TTF2: variants seen among roughly 807,000 people sequenced by gnomAD.
TTF2 encodes the protein RNA polymerase II termination factor.
In TTF2, 108 loss-of-function variants were observed where a neutral mutation model predicts 142.4. The ratio of observed to expected loss-of-function variants is 0.76; its 90% CI spans 0.65 to 0.89. TTF2 has a LOEUF of 0.89. TTF2 is among the 40% of genes least tolerant of loss of function. The pLI is 0.00. For synonymous variants in TTF2, 483 were observed against 506.2 expected (o/e 0.95, Z 0.61); for missense variants, 1,327 against 1,379.8 (o/e 0.96, Z 0.61).
chr1:117,079,565 C>T lies in TTF2; in HGVS notation c.1702-3C>T, dbSNP rs765130781. On this transcript the variant is annotated splice_polypyrimidine_tract_variant and splice_region_variant and intron_variant, in intron 8 of 22. Transcript: ENST00000369466. The surrounding 1 kb of genome is among the most constrained non-coding windows in gnomAD (Gnocchi z 4.2). ...CTTAGCATTTGGTTATTACCTTTGT[C>T]AGGTCCCTTTGCTACTACACCAGAA... 26 of 1,614,034 alleles carry T rather than the reference C, an allele frequency of 1.6e-5. No individual in the cohort carries two copies. The South Asian group carries it at 2.5e-4, about 16-fold the overall frequency.
In TTF2 at chr1:117,076,324, G is replaced by T; in HGVS notation, c.1390+30G>T. ...AGTGGCTTATGCCTCAGAACTCCGGGTTTGCATCGACTTTACAAGAGACAT... is the reference window on the plus strand; with the variant it reads ...AGTGGCTTATGCCTCAGAACTCCGGTTTTGCATCGACTTTACAAGAGACAT... On this transcript the variant is annotated intron_variant, in intron 6 of 22. Transcript: ENST00000369466. This position sits in a 1 kb window ranked among gnomAD's most constrained non-coding sequence, Gnocchi z 4.6. 1 of 1,561,664 alleles carries T rather than the reference G, an allele frequency of 6.4e-7. No individual in the cohort carries two copies. Among genetic ancestry groups the T allele is most frequent in the East Asian group, 2.2e-5 (1 of 44,526 alleles).
intron 3 of TTF2, among the ~76,000 whole-genome samples, chr1:117,067,524 CAA>C (rs1161287519): frequency 5.1e-4 from 21 of 40,960 alleles, no homozygotes; most frequent in East Asian, 2.9e-3. Flanking sequence ...GACTCAGTCT[CAA>C]AAAAAAAAAA....
Position 117,088,894 on chromosome 1 carries a change from G to A in TTF2, c.2254G>A (p.Ala752Thr). ...GAATCCCCGAGTGCAGACTTCCATA[G>A]CTGTGTGTAAGCTACAAGCCTGTGC... ...VKNPRVQTSIAVCKLQACARW... is the reference protein window; with the variant it reads ...VKNPRVQTSITVCKLQACARW... The change falls in exon 13 of 23, where the codon GCT becomes ACT. Residue 752 changes from alanine (A) to threonine (T), a missense_variant. Ala to Thr is a moderately conservative substitution (Grantham distance 58, BLOSUM62 0). Transcript: ENST00000369466. 1 of 1,614,196 alleles carries A rather than the reference G, an allele frequency of 6.2e-7. No homozygotes were observed. The highest frequency in any genetic ancestry group is 8.5e-7 in the Non-Finnish European group (1 of 1,180,024).
intron 10 of TTF2, 114 bp downstream of exon 10, chr1:117,082,061 G>GTTTTCCAGTAGAGT: frequency 1.4e-6 from 2 of 1,466,720 alleles, no homozygotes; most frequent in East Asian, 2.3e-5. Flanking sequence ...TACTCTACTG[G>GTTTTCCAGTAGAGT]AAAACCAGTA....
rs1485684463 is a variant in TTF2 at position 117,097,535 on chromosome 1, G to A, written c.3269+102G>A. On this transcript the variant is annotated intron_variant, in intron 21 of 22. Transcript: ENST00000369466. This position sits in a 1 kb window ranked among gnomAD's most constrained non-coding sequence, Gnocchi z 4.1. ...ACTTCTTATGTTGATTGCTGTGTTCGTATTGCAGAGATGCCTTGCTTTGTA... is the reference window on the plus strand; with the variant it reads ...ACTTCTTATGTTGATTGCTGTGTTCATATTGCAGAGATGCCTTGCTTTGTA... The A allele has an allele frequency of 1.2e-5, 13 of 1,052,492 alleles. No individual in the cohort carries two copies. Among genetic ancestry groups the A allele is most frequent in the African/African-American group, 3.1e-5 (2 of 64,094 alleles). 65.2% of individuals were successfully genotyped at this position (1,052,492 alleles called of 1,614,324 possible).
chr1:117,060,793 C>A (rs1282789186), intron 2 of TTF2, among the ~76,000 whole-genome samples: 12 of 152,226 alleles, frequency 7.9e-5, no homozygotes, highest in Non-Finnish European at 1.3e-4. Flanking sequence ...GCCGATGGTT[C>A]CCCTACCTGT....
chr1:117,079,127 C>T lies in TTF2; in HGVS notation c.1702-441C>T, dbSNP rs985353970. Among the ~76,000 whole-genome samples, 2 of 152,122 alleles carry T rather than the reference C, an allele frequency of 1.3e-5. No homozygotes were observed. The highest frequency in any genetic ancestry group is 2.9e-5 in the Non-Finnish European group (2 of 68,024). On this transcript the variant is annotated intron_variant, in intron 8 of 22. Transcript: ENST00000369466. This position sits in a 1 kb window ranked among gnomAD's most constrained non-coding sequence, Gnocchi z 4.2. ...TGGTGGCATACGCATGTAATTCCAG[C>T]TAGTCGGGAGGCTAAGGCAGGAGAA...
At chr1:117,078,812 G>C (rs567664629) in intron 8 of TTF2, among the ~76,000 whole-genome samples, 1 of 152,190 alleles carries the variant, frequency 6.6e-6, no homozygotes, top group African/African-American at 2.4e-5. Flanking sequence ...TCTGGTCAAA[G>C]GGCTATTGAA....
At chr1:117,069,651 A>G (rs1656424199) in intron 3 of TTF2, among the ~76,000 whole-genome samples, 1 of 152,238 alleles carries the variant, frequency 6.6e-6, no homozygotes, top group South Asian at 2.1e-4. Flanking sequence ...AAACTGCCAC[A>G]GGGGGCAGTC....
Position 117,090,610 on chromosome 1 carries a change from T to C in TTF2, c.2575T>C (p.Phe859Leu). Residue 859 changes from phenylalanine to leucine, a missense_variant, in exon 15 of 23, where the codon TTT (phenylalanine) becomes CTT (leucine). Physicochemically the swap from Phe to Leu is conservative, Grantham distance 22. Transcript: ENST00000369466. This position sits in a 1 kb window ranked among gnomAD's most constrained non-coding sequence, Gnocchi z 4.8. ...EDEETVYNVF[F>L]ARSRSALQSY... ...TGAAGAGACTGTTTACAATGTGTTT[T>C]TTGCAAGATCAAGGTGTGTGTATTA... The C allele has an allele frequency of 6.2e-7, 1 of 1,614,016 alleles. No individual in the cohort carries two copies. The highest frequency in any genetic ancestry group is 8.5e-7 in the Non-Finnish European group (1 of 1,179,942).
Position 117,087,103 on chromosome 1 carries a change from C to T in TTF2, c.2160+581C>T, listed in dbSNP as rs969590451. On this transcript the variant is annotated intron_variant, in intron 12 of 22. Coordinates refer to ENST00000369466, the MANE Select transcript of TTF2 (RefSeq NM_003594.4). This position sits in a 1 kb window ranked among gnomAD's most constrained non-coding sequence, Gnocchi z 4.8. ...AAAATACAGTATTATCCCAAGAACT[C>T]ATTTTTCTATATGTTATCCTTTTAG... Among the ~76,000 whole-genome samples the T allele has an allele frequency of 5.3e-5, 8 of 152,172 alleles. No individual in the cohort carries two copies. The highest frequency in any genetic ancestry group is 1.9e-4 in the African/African-American group (8 of 41,446).
At position 117,107,163 on chromosome 1, in the gene TTF2, TG is replaced by T. The variant is rs1381499920; in HGVS notation, c.*5640del. ...CTCACCTTGGAGTCTTGGGCTCTGT[TG>T]ATCACTGACTCTGCCAGGTCTTTCA... is the stretch of plus-strand genomic sequence containing the variant. On this transcript the variant is annotated 3_prime_UTR_variant, in exon 23 of 23. Coordinates refer to ENST00000369466, the MANE Select transcript of TTF2 (RefSeq NM_003594.4). 6.6e-6 allele frequency: 1 copy of T among 152,186 alleles called. No individual in the cohort carries two copies. The allele number at this position is 152,186 out of a possible 1,614,324, so 9.4% of individuals were successfully genotyped here.
In TTF2 at chr1:117,086,768, T is replaced by C. The variant is rs188714041; in HGVS notation, c.2160+246T>C. The stretch of plus-strand genomic sequence containing the variant: ...CCTTTTAGAATGAAAGATGACTGCA[T>C]TGTATTTGTGGGGGTAATAATCACC... On this transcript the variant is annotated intron_variant, in intron 12 of 22. Transcript: ENST00000369466. This position sits in a 1 kb window ranked among gnomAD's most constrained non-coding sequence, Gnocchi z 4.2. 6.6e-6 allele frequency among the ~76,000 whole-genome samples: 1 copy of C among 152,282 alleles called. No individual in the cohort carries two copies. The highest frequency in any genetic ancestry group is 1.9e-4 in the East Asian group (1 of 5,186).
In TTF2 at chr1:117,081,057, G is replaced by A. The variant is rs182186620; in HGVS notation, c.1784-771G>A. On this transcript the variant is annotated intron_variant, in intron 9 of 22. Coordinates refer to ENST00000369466, the MANE Select transcript of TTF2 (RefSeq NM_003594.4). ...CATATTGCTTGTACAAAACAATTTA[G>A]GCAGAGTGAGCAACTCTTACCTTAC... Among the ~76,000 whole-genome samples, 15 of 152,330 alleles carry A rather than the reference G, an allele frequency of 9.8e-5. No homozygotes were observed. In the East Asian group the frequency reaches 1.9e-3, roughly 20 times the overall value.
At chr1:117,069,817 G>A (rs1169967980) in intron 3 of TTF2, among the ~76,000 whole-genome samples, 2 of 152,180 alleles carry the variant, frequency 1.3e-5, no homozygotes, top group Non-Finnish European at 2.9e-5. Flanking sequence ...TAGGAAAATG[G>A]GAGGATTTGT....
rs112801751 is a variant in TTF2 at position 117,096,222 on chromosome 1, G to A, written c.3109G>A (p.Ala1037Thr). Residue 1037 changes from alanine to threonine, a missense_variant, in exon 20 of 23, where the codon GCC (alanine) becomes ACC (threonine). Ala to Thr is a moderately conservative substitution (Grantham distance 58). Transcript: ENST00000369466. ...CCTGAAGAAGCATGGACTGACTTAT[G>A]CCACCATCGATGGCTCTGTCAATCC... Reference protein sequence around the residue: ...LHLKKHGLTYATIDGSVNPKQ... With the variant: ...LHLKKHGLTYTTIDGSVNPKQ... 1.2e-6 allele frequency: 2 copies of A among 1,614,080 alleles called. No individual in the cohort carries two copies. The highest frequency in any genetic ancestry group is 2.7e-5 in the African/African-American group (2 of 75,000).
chr1:117,081,958 G>A lies in TTF2; in HGVS notation c.1903+11G>A. ...GGCTCTCCAAAGATGGTAGACAGAAGTGCCTTAATAGCCTGCCATTCCCTA... is the reference window on the plus strand; with the variant it reads ...GGCTCTCCAAAGATGGTAGACAGAAATGCCTTAATAGCCTGCCATTCCCTA... On this transcript the variant is annotated intron_variant, in intron 10 of 22. Coordinates refer to ENST00000369466, the MANE Select transcript of TTF2 (RefSeq NM_003594.4). 6.2e-7 allele frequency: 1 copy of A among 1,614,012 alleles called. No individual in the cohort carries two copies. Among genetic ancestry groups the A allele is most frequent in the African/African-American group, 1.3e-5 (1 of 75,030 alleles).
At position 117,080,159 on chromosome 1, in the gene TTF2, G is replaced by A. The variant is rs1647369455; in HGVS notation, c.1783+510G>A. On this transcript the variant is annotated intron_variant, in intron 9 of 22. Coordinates refer to ENST00000369466, the MANE Select transcript of TTF2 (RefSeq NM_003594.4). This position sits in a 1 kb window ranked among gnomAD's most constrained non-coding sequence, Gnocchi z 4.3. Reference sequence around the variant, plus strand: ...CCAGTAGCTGGGATTACAGGCAGATGCCACCACGCCTGGCTAATTTTTTGT... The same window carrying A: ...CCAGTAGCTGGGATTACAGGCAGATACCACCACGCCTGGCTAATTTTTTGT... Among the ~76,000 whole-genome samples, 1 of 152,094 alleles carries A rather than the reference G, an allele frequency of 6.6e-6. No individual in the cohort carries two copies. The highest frequency in any genetic ancestry group is 1.5e-5 in the Non-Finnish European group (1 of 68,008).
chr1:117,075,483 G>A lies in TTF2; in HGVS notation c.899G>A (p.Ser300Asn). The A allele has an allele frequency of 6.2e-7, 1 of 1,614,136 alleles. No individual in the cohort carries two copies. Among genetic ancestry groups the A allele is most frequent in the Non-Finnish European group, 8.5e-7 (1 of 1,179,988 alleles). Reference protein sequence around the residue: ...AKETKAKDGPSIQATQKSLPQ... With the variant: ...AKETKAKDGPNIQATQKSLPQ... ...GAAACAAAGGCAAAGGATGGCCCTA[G>A]CATACAGGCCACCCAGAAAAGCCTG... Residue 300 changes from serine to asparagine, a missense_variant, in exon 5 of 23, where the codon AGC becomes AAC. By Grantham distance (46) the Ser-to-Asn change is conservative (BLOSUM62 1). Coordinates refer to ENST00000369466, the MANE Select transcript of TTF2 (RefSeq NM_003594.4). The surrounding 1 kb of genome is among the most constrained non-coding windows in gnomAD (Gnocchi z 4.5).
Sources: allele counts gnomAD v4.1 joint callset (sites outside exome capture counted in the v4.1 genomes callset), GRCh38; gene constraint gnomAD v4.1.1; non-coding constraint Gnocchi (gnomAD v3.1); transcripts MANE v1.5; gene names NCBI Gene and HGNC (gene_info 2026-07-23, HGNC 2026-07-21).